FARSB: variants seen among roughly 807,000 people sequenced by gnomAD.
The protein encoded by FARSB is phenylalanine--tRNA ligase beta subunit.
In FARSB, 40 loss-of-function variants were observed where a neutral mutation model predicts 69.6. The ratio of observed to expected loss-of-function variants is 0.57; its 90% CI spans 0.45 to 0.75. FARSB has a LOEUF of 0.75. Ranked by LOEUF, FARSB falls within the 30% of genes least tolerant of loss-of-function variation. FARSB has a pLI of 0.00. For synonymous variants in FARSB, 235 were observed against 247.2 expected (o/e 0.95, Z 0.46); for missense variants, 632 against 722.9 (o/e 0.87, Z 1.44).
In FARSB at chr2:222,570,644, T is replaced by G. The variant is rs965309111; in HGVS notation, c.*1227A>C. 9 of 152,008 alleles carry G rather than the reference T, an allele frequency of 5.9e-5. No homozygotes were observed. Among genetic ancestry groups the G allele is most frequent in the Non-Finnish European group, 1.3e-4 (9 of 67,986 alleles). The allele number at this position is 152,008 out of a possible 1,614,324, so 9.4% of individuals were successfully genotyped here. On this transcript the variant is annotated 3_prime_UTR_variant, in exon 17 of 17. Coordinates refer to ENST00000281828, the MANE Select transcript of FARSB (RefSeq NM_005687.5). ...TTCAAGAGATTTTCCTGACTCAGCC[T>G]CCCAGGTAGCTGGGACTGCAGGCCC...
At chr2:222,628,667 T>C (rs1378575140) in intron 10 of FARSB, among the ~76,000 whole-genome samples, 170 bp downstream of exon 10, 1 of 152,196 alleles carries the variant, frequency 6.6e-6, no homozygotes, top group African/African-American at 2.4e-5. Context: ...TAAGAGCACC[T>C]ACCCTCACAG....
At chr2:222,598,941 T>A (rs1336433299) in intron 16 of FARSB, among the ~76,000 whole-genome samples, 21 of 145,646 alleles carry the variant, frequency 1.4e-4, no homozygotes, top group Admixed American at 1.0e-3. Context: ...CTCATTTATT[T>A]AAAAAAAAAA....
At chr2:222,623,204 GC>G (rs1212462727) in intron 13 of FARSB, among the ~76,000 whole-genome samples, 2 of 152,118 alleles carry the variant, frequency 1.3e-5, no homozygotes, top group African/African-American at 4.8e-5. Flanking sequence ...TTTTATGTCA[GC>G]TTTTCAACTC....
chr2:222,578,699 G>A (rs1265538214), intron 16 of FARSB, among the ~76,000 whole-genome samples: 1 of 151,338 alleles, frequency 6.6e-6, no homozygotes, highest in Non-Finnish European at 1.5e-5. Flanking sequence ...ATTAGCTGGG[G>A]CCGGGCACAG....
At chr2:222,632,143 TA>T (rs952141701) in intron 7 of FARSB, among the ~76,000 whole-genome samples, 3 of 144,914 alleles carry the variant, frequency 2.1e-5, no homozygotes, top group Non-Finnish European at 3.0e-5. Context: ...ATAAAAATAA[TA>T]AAAAAAAAAC....
chr2:222,575,325 G>C (rs925267603), intron 16 of FARSB, among the ~76,000 whole-genome samples: 1 of 152,242 alleles, frequency 6.6e-6, no homozygotes, highest in African/African-American at 2.4e-5. Context: ...GTAGCCAAAG[G>C]CTAACCTTAT....
chr2:222,609,768 T>G lies in FARSB; in HGVS notation c.1462+4043A>C, dbSNP rs576517099. ...GATGGTCAGTCAAAAAAGTCTACATTAGAATAAGAAACTGTCCAACGAGGT... is the reference window on the plus strand; with the variant it reads ...GATGGTCAGTCAAAAAAGTCTACATGAGAATAAGAAACTGTCCAACGAGGT... On this transcript the variant is annotated intron_variant, in intron 15 of 16. Transcript: ENST00000281828. 3.2e-4 allele frequency among the ~76,000 whole-genome samples: 49 copies of G among 152,218 alleles called. No homozygotes were observed. The South Asian group carries it at 8.1e-3, about 25-fold the overall frequency.
chr2:222,644,593 C>T (rs763850855), intron 2 of FARSB: 1 of 436,558 alleles, frequency 2.3e-6, no homozygotes, highest in South Asian at 1.6e-5. Context: ...AATATAATAA[C>T]CGGAGAAATG....
Position 222,642,956 on chromosome 2 carries a change from G to A in FARSB, c.164C>T (p.Ala55Val). The change falls in exon 3 of 17, where the codon GCA becomes GTA. Residue 55 changes from alanine to valine, a missense_variant. Transcript: ENST00000281828. ...ISKEQGNVKA[A>V]GASDVVLYKI... ...GTAAAGAACAACATCAGAGGCTCCT[G>A]CTGCCTTTACATTACCTTGTTCTTT... 1.2e-6 allele frequency: 2 copies of A among 1,610,484 alleles called. No homozygotes were observed. Among genetic ancestry groups the A allele is most frequent in the South Asian group, 2.2e-5 (2 of 90,932 alleles).
chr2:222,631,678 C>A lies in FARSB; in HGVS notation c.716-4G>T, dbSNP rs1674742293. On this transcript the variant is annotated splice_region_variant and splice_polypyrimidine_tract_variant and intron_variant, in intron 7 of 16. Coordinates refer to ENST00000281828, the MANE Select transcript of FARSB (RefSeq NM_005687.5). ...ACTGTTATTCTGGAATGATCCCCTG[C>A]AATGAACACAAAACAATAACATTAA... is the stretch of plus-strand genomic sequence containing the variant. 1 of 1,487,808 alleles carries A rather than the reference C, an allele frequency of 6.7e-7. No homozygotes were observed. The highest frequency in any genetic ancestry group is 9.4e-7 in the Non-Finnish European group (1 of 1,066,096). 92.2% of individuals were successfully genotyped at this position (1,487,808 alleles called of 1,614,324 possible). A position where few individuals can be genotyped will look rare whatever the true frequency, so the allele number is the denominator to read the frequency against.
rs1211379099 is a variant in FARSB at position 222,624,189 on chromosome 2, C to T, written c.1170+83G>A. ...ATGTCCAAATACTGCTTGATTCCTACGTTCTGTTTTCTCGAAGCCTTCCTG... is the reference window on the plus strand; with the variant it reads ...ATGTCCAAATACTGCTTGATTCCTATGTTCTGTTTTCTCGAAGCCTTCCTG... On this transcript the variant is annotated intron_variant, in intron 12 of 16. Transcript: ENST00000281828. 30 of 895,320 alleles carry T rather than the reference C, an allele frequency of 3.4e-5. 2 individuals carry two copies. The highest frequency in any genetic ancestry group is 2.0e-4 in the South Asian group (14 of 70,280). The allele number at this position is 895,320 out of a possible 1,614,324, so 55.5% of individuals were successfully genotyped here. A position where few individuals can be genotyped will look rare whatever the true frequency, so the allele number is the denominator to read the frequency against.
intron 16 of FARSB, among the ~76,000 whole-genome samples, chr2:222,597,081 G>A (rs550961963): frequency 6.6e-6 from 1 of 152,136 alleles, no homozygotes; most frequent in Non-Finnish European, 1.5e-5. Flanking sequence ...CTAGATGTGT[G>A]CCCAGGACTC....
intron 9 of FARSB, among the ~76,000 whole-genome samples, chr2:222,629,609 G>A (rs956077900): frequency 6.6e-6 from 1 of 152,042 alleles, no homozygotes; most frequent in Non-Finnish European, 1.5e-5. Flanking sequence ...ACAAACAGCC[G>A]GAATATCACC....
rs1365977104 is a variant in FARSB at position 222,623,851 on chromosome 2, C to T, written c.1171-121G>A. On this transcript the variant is annotated intron_variant, in intron 12 of 16. Coordinates refer to ENST00000281828, the MANE Select transcript of FARSB (RefSeq NM_005687.5). The stretch of plus-strand genomic sequence containing the variant: ...TAAAAATGTTTAAAAGATTAAAAAC[C>T]TTTTCACCCTTACTAACGTACTGCT... 4 of 670,336 alleles carry T rather than the reference C, an allele frequency of 6.0e-6. No individual in the cohort carries two copies. In the East Asian group the frequency reaches 1.1e-4, roughly 18 times the overall value. 41.5% of individuals were successfully genotyped at this position (670,336 alleles called of 1,614,324 possible).
chr2:222,643,851 C>T (rs974020491), intron 2 of FARSB, among the ~76,000 whole-genome samples: 3 of 152,204 alleles, frequency 2.0e-5, no homozygotes, highest in Non-Finnish European at 2.9e-5. Flanking sequence ...AAGCACCACA[C>T]TACAGCAGAG....
chr2:222,650,801 T>C (rs1306914124), intron 1 of FARSB, among the ~76,000 whole-genome samples: 1 of 152,124 alleles, frequency 6.6e-6, no homozygotes, highest in Non-Finnish European at 1.5e-5. Context: ...GACTGCAACA[T>C]GGTGAGACCC....
chr2:222,575,157 G>C (rs566751144), intron 16 of FARSB, among the ~76,000 whole-genome samples: 41 of 152,302 alleles, frequency 2.7e-4, no homozygotes, highest in East Asian at 1.4e-3. Flanking sequence ...TGGCAGAAAG[G>C]GGGTAGTTGA....
At chr2:222,581,254 T>C (rs1260200810) in intron 16 of FARSB, among the ~76,000 whole-genome samples, 1 of 152,238 alleles carries the variant, frequency 6.6e-6, no homozygotes, top group Non-Finnish European at 1.5e-5. Context: ...AATGTCAATC[T>C]GTTGGATTTC....
At chr2:222,585,954 A>G (rs1465488849) in intron 16 of FARSB, among the ~76,000 whole-genome samples, 1 of 152,256 alleles carries the variant, frequency 6.6e-6, no homozygotes. Context: ...GATATTATCC[A>G]GGAGAACTTC....
Sources: allele counts gnomAD v4.1 joint callset (sites outside exome capture counted in the v4.1 genomes callset), GRCh38; gene constraint gnomAD v4.1.1; transcripts MANE v1.5; gene names NCBI Gene and HGNC (gene_info 2026-07-23, HGNC 2026-07-21).